Variants in MALRD1 observed in about 807,000 individuals in gnomAD.
MALRD1 encodes MAM and LDL-receptor class A domain-containing protein 1.
A neutral mutation model predicts 242.1 loss-of-function variants in MALRD1; 247 were observed. The observed-to-expected ratio is 1.02, with a 90% confidence interval of 0.92 to 1.13. MALRD1 has a LOEUF of 1.13. MALRD1 is among the 50% of genes most tolerant of loss of function. MALRD1 has a pLI of 0.00. For synonymous variants in MALRD1, 995 were observed against 866.6 expected (o/e 1.15, Z -2.60); for missense variants, 2,989 against 2,533.1 (o/e 1.18, Z -3.86).
intron 18 of MALRD1, among the ~76,000 whole-genome samples, chr10:19,254,984 A>G (rs745576060): frequency 1.7e-4 from 26 of 151,998 alleles, no homozygotes; most frequent in Admixed American, 7.2e-4. Context: ...TCAGTTTCCT[A>G]AATACATAGA....
rs936290375 is a variant in MALRD1, at chr10:19,418,615, C to A, written c.4845+29006C>A. ...ATGATCATATGATTTTCCTTAGATA[C>A]ATTTCTGATTACTAAAATAATTGCA... On this transcript the variant is annotated intron_variant, in intron 28 of 39. Transcript: ENST00000454679. Among the ~76,000 whole-genome samples the A allele has an allele frequency of 3.9e-5, 6 of 152,066 alleles. No individual in the cohort carries two copies. In the East Asian group the frequency reaches 9.7e-4, roughly 24 times the overall value.
chr10:19,617,675 T>C (rs1296712891), intron 36 of MALRD1, among the ~76,000 whole-genome samples: 1 of 152,038 alleles, frequency 6.6e-6, no homozygotes, highest in Non-Finnish European at 1.5e-5. Context: ...TAGTAAGGTT[T>C]GTATCCCTTT....
rs1305112888 is a variant in MALRD1 at position 19,615,931 on chromosome 10, G to A, written c.6137+8G>A. The A allele has an allele frequency of 2.7e-6, 4 of 1,501,770 alleles. No individual in the cohort carries two copies. The highest frequency in any genetic ancestry group is 2.7e-6 in the Non-Finnish European group (3 of 1,131,650). 93.0% of individuals were successfully genotyped at this position (1,501,770 alleles called of 1,614,324 possible). A position where few individuals can be genotyped will look rare whatever the true frequency, so the allele number is the denominator to read the frequency against. ...AAATGGTCCTATGTGTCGGTAAGAAGCATTGTTTAATTTTTTTTTTTAAGA... is the reference window on the plus strand; with the variant it reads ...AAATGGTCCTATGTGTCGGTAAGAAACATTGTTTAATTTTTTTTTTTAAGA... On this transcript the variant is annotated splice_region_variant and intron_variant, in intron 36 of 39. Transcript: ENST00000454679.
intron 31 of MALRD1, among the ~76,000 whole-genome samples, chr10:19,529,537 A>G (rs1256427969): frequency 1.3e-4 from 8 of 63,000 alleles, no homozygotes; most frequent in Admixed American, 1.0e-3. Context: ...GAAGACAGAA[A>G]AAAACAGGAG....
intron 36 of MALRD1, among the ~76,000 whole-genome samples, chr10:19,692,049 A>G (rs1202011177): frequency 6.6e-6 from 1 of 152,162 alleles, no homozygotes; most frequent in African/African-American, 2.4e-5. Flanking sequence ...TTTCTACCTT[A>G]TAAAGTCAAG....
chr10:19,645,072 T>C (rs1840585143), intron 36 of MALRD1, among the ~76,000 whole-genome samples: 1 of 152,238 alleles, frequency 6.6e-6, no homozygotes, highest in Non-Finnish European at 1.5e-5. Flanking sequence ...TATTTTCTCA[T>C]TTTCATAGTG....
At chr10:19,336,578 T>C (rs1448578223) in intron 24 of MALRD1, among the ~76,000 whole-genome samples, 1 of 152,180 alleles carries the variant, frequency 6.6e-6, no homozygotes, top group Non-Finnish European at 1.5e-5. Context: ...TTGAGATCAA[T>C]GACAAGACAA....
chr10:19,671,075 G>A (rs978781202), intron 36 of MALRD1, among the ~76,000 whole-genome samples: 3 of 151,808 alleles, frequency 2.0e-5, no homozygotes, highest in Non-Finnish European at 4.4e-5. Context: ...ATTTTTAGTA[G>A]AGACAGGGTT....
At chr10:19,329,933 G>C (rs1843293438) in intron 23 of MALRD1, among the ~76,000 whole-genome samples, 1 of 152,150 alleles carries the variant, frequency 6.6e-6, no homozygotes, top group South Asian at 2.1e-4. Flanking sequence ...AGATAAGCCA[G>C]TTAACAGTGC....
intron 38 of MALRD1, among the ~76,000 whole-genome samples, chr10:19,692,886 T>TATATATATATAA (rs373717863): frequency 0.038 from 5,229 of 136,774 alleles, 332 homozygotes; most frequent in African/African-American, 0.12. Flanking sequence ...TATATATATA[T>TATATATATATAA]AATTTCATCC....
chr10:19,145,892 G>C (rs977480270), intron 10 of MALRD1, among the ~76,000 whole-genome samples: 1 of 152,006 alleles, frequency 6.6e-6, no homozygotes, highest in Non-Finnish European at 1.5e-5. Context: ...TACTGGGCAA[G>C]CAAATTAGTT....
intron 35 of MALRD1, among the ~76,000 whole-genome samples, chr10:19,610,030 A>C (rs1367599236): frequency 6.6e-6 from 1 of 151,838 alleles, no homozygotes; most frequent in East Asian, 1.9e-4. Flanking sequence ...AAACACAAAC[A>C]CTTCTCAGGC....
intron 21 of MALRD1, among the ~76,000 whole-genome samples, chr10:19,306,596 C>T (rs548739319): frequency 6.7e-6 from 1 of 148,336 alleles, no homozygotes; most frequent in Non-Finnish European, 1.5e-5. Flanking sequence ...TGTATATATA[C>T]TTAATTGTGT....
intron 36 of MALRD1, among the ~76,000 whole-genome samples, chr10:19,676,562 A>T (rs1298840900): frequency 6.6e-6 from 1 of 152,222 alleles, no homozygotes; most frequent in Non-Finnish European, 1.5e-5. Context: ...AATGCAGCCA[A>T]ATGTGTTCTC....
chr10:19,320,142 T>C (rs1842863004), intron 21 of MALRD1, among the ~76,000 whole-genome samples: 1 of 150,442 alleles, frequency 6.6e-6, no homozygotes, highest in South Asian at 2.1e-4. Flanking sequence ...CCATGGTGGT[T>C]AGCTGCACCT....
chr10:19,292,642 C>G (rs543693831), intron 21 of MALRD1, among the ~76,000 whole-genome samples: 1 of 152,050 alleles, frequency 6.6e-6, no homozygotes, highest in Non-Finnish European at 1.5e-5. Flanking sequence ...CCTGTAATCC[C>G]ATCACTTTGG....
At chr10:19,325,993 C>G (rs1173029505) in intron 22 of MALRD1, among the ~76,000 whole-genome samples, 2 of 151,786 alleles carry the variant, frequency 1.3e-5, no homozygotes, top group Non-Finnish European at 2.9e-5. Context: ...TTGAGATAAA[C>G]ATAGTTTCTT....
chr10:19,310,605 T>G (rs1288522818), intron 21 of MALRD1, among the ~76,000 whole-genome samples: 1 of 151,530 alleles, frequency 6.6e-6, no homozygotes, highest in Non-Finnish European at 1.5e-5. Flanking sequence ...ATAGCTGTTC[T>G]TCATCTCCTA....
chr10:19,684,321 T>A (rs954216112), intron 36 of MALRD1, among the ~76,000 whole-genome samples: 17 of 152,200 alleles, frequency 1.1e-4, no homozygotes, highest in African/African-American at 3.9e-4. Flanking sequence ...GAGAAAGCAT[T>A]TAGAATCTTG....
Sources: gnomAD v4.1 joint callset for allele counts (sites outside exome capture counted in the v4.1 genomes callset) on GRCh38, gnomAD v4.1.1 for gene constraint, MANE v1.5 for transcripts, NCBI Gene and HGNC (gene_info 2026-07-23, HGNC 2026-07-21) for gene names.